P4HB: variants seen among roughly 807,000 people sequenced by gnomAD.
The protein encoded by P4HB is prolyl 4-hydroxylase subunit beta.
In P4HB, 20 loss-of-function variants were observed where a neutral mutation model predicts 52.6. The observed-to-expected ratio is 0.38, with a 90% CI of 0.27 to 0.55. P4HB has a LOEUF of 0.55. Among genes scored for constraint, P4HB ranks in the 20% least tolerant of loss-of-function variants. The pLI, the probability that P4HB is intolerant of heterozygous loss-of-function variation, is 0.74. For synonymous variants in P4HB, 296 were observed against 277.9 expected (o/e 1.07, Z -0.65); for missense variants, 601 against 669.2 (o/e 0.90, Z 1.12).
chr17:81,845,126 G>A lies in P4HB; in HGVS notation c.1446+18C>T. The stretch of plus-strand genomic sequence containing the variant: ...GGCTGAATCCCAGAGACCAGCCCAG[G>A]GCTGTGACCCCACTCACGTCATCAT... On this transcript the variant is annotated intron_variant, in intron 10 of 10. Transcript: ENST00000331483. 1 of 1,591,606 alleles carries A rather than the reference G, an allele frequency of 6.3e-7. No homozygotes were observed. The highest frequency in any genetic ancestry group is 1.1e-5 in the South Asian group (1 of 89,930).
At position 81,855,664 on chromosome 17, in the gene P4HB, T is replaced by C; in HGVS notation, c.353-78A>G. 4 of 1,525,822 alleles carry C rather than the reference T, an allele frequency of 2.6e-6. No individual in the cohort carries two copies. The highest frequency in any genetic ancestry group is 3.6e-6 in the Non-Finnish European group (4 of 1,125,668). 94.5% of individuals were successfully genotyped at this position (1,525,822 alleles called of 1,614,324 possible). On this transcript the variant is annotated intron_variant, in intron 2 of 10. Transcript: ENST00000331483. The surrounding 1 kb of genome is among the most constrained non-coding windows in gnomAD (Gnocchi z 4.3). Reference sequence around the variant, plus strand: ...CTGCCGCGCCTGCTCCCGTCTCTGCTCTCTGCCAGCCAGGCTGAGGACACC... The same window carrying C: ...CTGCCGCGCCTGCTCCCGTCTCTGCCCTCTGCCAGCCAGGCTGAGGACACC...
intron 4 of P4HB, among the ~76,000 whole-genome samples, chr17:81,851,482 G>A (rs963211471): frequency 1.4e-4 from 21 of 152,246 alleles, no homozygotes; most frequent in Non-Finnish European, 8.8e-5. Context: ...TCCCCAGAGG[G>A]GCAAAGGCGG....
At chr17:81,852,459 G>A (rs1411810609) in intron 4 of P4HB, among the ~76,000 whole-genome samples, 3 of 152,212 alleles carry the variant, frequency 2.0e-5, no homozygotes, top group African/African-American at 7.2e-5. Context: ...GAACAAGTTG[G>A]ACTCATCCTC....
chr17:81,846,113 G>A lies in P4HB; in HGVS notation c.1057-122C>T, dbSNP rs113417520. ...CCCTGGGCACACCAGGGTGGCAGCC[G>A]CAGACACCAACAGTGCCAAGAATCC... is the stretch of plus-strand genomic sequence containing the variant. On this transcript the variant is annotated intron_variant, in intron 7 of 10. Transcript: ENST00000331483. The surrounding 1 kb of genome is among the most constrained non-coding windows in gnomAD (Gnocchi z 5.7). The A allele has an allele frequency of 5.8e-3, 7,171 of 1,233,798 alleles. 307 individuals are homozygous for A. In the African/African-American group the frequency reaches 0.095, roughly 16 times the overall value. The allele number at this position is 1,233,798 out of a possible 1,614,324, so 76.4% of individuals were successfully genotyped here.
intron 4 of P4HB, 81 bp from the exon 5 acceptor site, chr17:81,847,428 A>C: frequency 8.4e-7 from 1 of 1,191,126 alleles, no homozygotes; most frequent in Non-Finnish European, 1.3e-6. Flanking sequence ...GGACGTGGGA[A>C]GTCACAGCAG....
rs200178858 is a variant in P4HB at position 81,843,467 on chromosome 17, G to T, written c.*545C>A. On this transcript the variant is annotated 3_prime_UTR_variant, in exon 11 of 11. Coordinates refer to ENST00000331483, the MANE Select transcript of P4HB (RefSeq NM_000918.4). ...CCAGGCATGGGGGACACCCTGACAG[G>T]ATCCGGAAGTCTCCATTTACCCAAA... The T allele has an allele frequency of 1.6e-4, 65 of 400,016 alleles. No homozygotes were observed. The highest frequency in any genetic ancestry group is 1.3e-4 in the Non-Finnish European group (29 of 227,222). The allele number at this position is 400,016 out of a possible 1,614,324, so 24.8% of individuals were successfully genotyped here. A position where few individuals can be genotyped will look rare whatever the true frequency, so the allele number is the denominator to read the frequency against.
Position 81,847,137 on chromosome 17 carries a change from T to C in P4HB, c.730-65A>G, listed in dbSNP as rs112008262. 9,841 of 1,605,946 alleles carry C rather than the reference T, an allele frequency of 6.1e-3. 497 individuals are homozygous for C. In the African/African-American group the frequency reaches 0.11, roughly 18 times the overall value. ...CTATTAATGCAGAAGATTCTCCCAA[T>C]GGCCTCCAATGTCAGACGCTGGACA... On this transcript the variant is annotated intron_variant, in intron 5 of 10. Transcript: ENST00000331483.
At position 81,843,754 on chromosome 17, in the gene P4HB, G is replaced by A; in HGVS notation, c.*258C>T. ...TCTGGACAGACTCATGTATGAAAAA[G>A]TACATCATGGTTTCAGGAAACAAGC... is the stretch of plus-strand genomic sequence containing the variant. On this transcript the variant is annotated 3_prime_UTR_variant, in exon 11 of 11. Transcript: ENST00000331483. 1 of 588,554 alleles carries A rather than the reference G, an allele frequency of 1.7e-6. No individual in the cohort carries two copies. Among genetic ancestry groups the A allele is most frequent in the South Asian group, 2.1e-5 (1 of 47,516 alleles). 36.5% of individuals were successfully genotyped at this position (588,554 alleles called of 1,614,324 possible). A position where few individuals can be genotyped will look rare whatever the true frequency, so the allele number is the denominator to read the frequency against.
At chr17:81,845,261 G>A (rs368101334) in intron 9 of P4HB, 31 bp from the exon 10 acceptor site, 1 of 1,550,912 alleles carries the variant, frequency 6.4e-7, no homozygotes, top group Non-Finnish European at 8.9e-7. Flanking sequence ...TGCAGGGGCT[G>A]GTCCCGGCCC....
intron 4 of P4HB, among the ~76,000 whole-genome samples, chr17:81,854,926 C>T (rs2038889807): frequency 6.6e-6 from 1 of 151,522 alleles, no homozygotes; most frequent in South Asian, 2.1e-4. Flanking sequence ...AGTTCTGAGG[C>T]GGCTGTGGCA....
intron 4 of P4HB, among the ~76,000 whole-genome samples, chr17:81,850,958 G>A (rs2038821839): frequency 2.0e-5 from 3 of 150,522 alleles, no homozygotes; most frequent in Non-Finnish European, 3.0e-5. Flanking sequence ...TTGAGACAGA[G>A]TCTTGCTCTG....
chr17:81,847,583 G>C, intron 4 of P4HB: 1 of 567,934 alleles, frequency 1.8e-6, no homozygotes, highest in South Asian at 2.0e-5. Flanking sequence ...CATCCACAAT[G>C]CAAGCCTGGC....
Position 81,845,585 on chromosome 17 carries a change from G to A in P4HB, c.1335C>T (p.Phe445=), listed in dbSNP as rs753867538. ...CCGTCCTGTCGGCACTGGCAGGAAAGAACTTGAGTGTGGGGAAGCTGTGCA... is the reference window on the plus strand; with the variant it reads ...CCGTCCTGTCGGCACTGGCAGGAAAAAACTTGAGTGTGGGGAAGCTGTGCA... ...VKVHSFPTLK[F]FPASADRTVI... is the part of the protein sequence containing the mutation. Residue 445 remains phenylalanine (F), a synonymous_variant, in exon 9 of 11, where the codon TTC becomes TTT. Transcript: ENST00000331483. The A allele has an allele frequency of 6.2e-7, 1 of 1,609,070 alleles. No individual in the cohort carries two copies. Among genetic ancestry groups the A allele is most frequent in the Non-Finnish European group, 8.5e-7 (1 of 1,176,416 alleles).
chr17:81,855,078 C>G lies in P4HB; in HGVS notation c.624+64G>C, dbSNP rs1419981115. 1 of 1,532,692 alleles carries G rather than the reference C, an allele frequency of 6.5e-7. No individual in the cohort carries two copies. Among genetic ancestry groups the G allele is most frequent in the African/African-American group, 1.4e-5 (1 of 73,230 alleles). 94.9% of individuals were successfully genotyped at this position (1,532,692 alleles called of 1,614,324 possible). A position where few individuals can be genotyped will look rare whatever the true frequency, so the allele number is the denominator to read the frequency against. ...AAGGTTCCCTTAACGATAAGGAGAG[C>G]AACGCCACCCTCTGCAGACCAACCC... On this transcript the variant is annotated intron_variant, in intron 4 of 10. Transcript: ENST00000331483. The surrounding 1 kb of genome is among the most constrained non-coding windows in gnomAD (Gnocchi z 4.3).
At position 81,855,387 on chromosome 17, in the gene P4HB, G is replaced by C. The variant is rs888603834; in HGVS notation, c.486+66C>G. 1.3e-6 allele frequency: 2 copies of C among 1,594,580 alleles called. No individual in the cohort carries two copies. Among genetic ancestry groups the C allele is most frequent in the Non-Finnish European group, 1.7e-6 (2 of 1,166,562 alleles). On this transcript the variant is annotated intron_variant, in intron 3 of 10. Coordinates refer to ENST00000331483, the MANE Select transcript of P4HB (RefSeq NM_000918.4). This position sits in a 1 kb window ranked among gnomAD's most constrained non-coding sequence, Gnocchi z 4.3. ...GGGGACACGTGCAGAACTGCCAGCTGCAGGCTGTGGACCCCTCCTCAATGG... is the reference window on the plus strand; with the variant it reads ...GGGGACACGTGCAGAACTGCCAGCTCCAGGCTGTGGACCCCTCCTCAATGG...
chr17:81,846,958 A>C lies in P4HB; in HGVS notation c.844T>G (p.Phe282Val). The C allele has an allele frequency of 6.2e-7, 1 of 1,613,886 alleles. No homozygotes were observed. The highest frequency in any genetic ancestry group is 8.5e-7 in the Non-Finnish European group (1 of 1,179,984). ...GAAGAGCAGCTCACCTTGCCCTTGA[A>C]GCTCTCGGCTGCTGTTTTGAAGTTG... ...LSNFKTAAES[F>V]KGKILFIFID... Residue 282 changes from phenylalanine (F) to valine (V), a missense_variant, in exon 6 of 11, where the codon TTC (phenylalanine) becomes GTC (valine). By Grantham distance (50) the Phe-to-Val change is conservative. Coordinates refer to ENST00000331483, the MANE Select transcript of P4HB (RefSeq NM_000918.4). The surrounding 1 kb of genome is among the most constrained non-coding windows in gnomAD (Gnocchi z 5.7).
At chr17:81,858,828 A>C in intron 2 of P4HB, 1 of 255,406 alleles carries the variant, frequency 3.9e-6, no homozygotes, top group Non-Finnish European at 7.7e-6. Context: ...TCACCCCGAG[A>C]GCTACAGCCA....
At chr17:81,854,948 A>C (rs989085389) in intron 4 of P4HB, among the ~76,000 whole-genome samples, 194 bp downstream of exon 4, 10 of 151,730 alleles carry the variant, frequency 6.6e-5, no homozygotes, top group South Asian at 2.1e-4. Context: ...GAGAGTGGCC[A>C]GAAAGCCCAC....
chr17:81,844,772 G>A (rs888358789), intron 10 of P4HB, among the ~76,000 whole-genome samples: 5 of 152,260 alleles, frequency 3.3e-5, no homozygotes, highest in African/African-American at 7.2e-5. Flanking sequence ...ACTCCCGAGG[G>A]CAGACCCATG....
Sources: gnomAD v4.1 joint callset for allele counts (sites outside exome capture counted in the v4.1 genomes callset) on GRCh38, gnomAD v4.1.1 for gene constraint, Gnocchi (gnomAD v3.1) non-coding constraint, MANE v1.5 for transcripts, NCBI Gene and HGNC (gene_info 2026-07-23, HGNC 2026-07-21) for gene names.